The following SHISA7 variants were observed in gnomAD, a reference collection of about 807,000 sequenced individuals.
SHISA7 encodes shisa family member 7, also known as protein shisa-7.
In SHISA7, 6 loss-of-function variants were observed where a neutral mutation model predicts 23.9. The ratio of observed to expected loss-of-function variants is 0.25; its 90% confidence interval spans 0.14 to 0.50. SHISA7 has a LOEUF of 0.50. SHISA7 is among the 20% of genes least tolerant of loss of function. The pLI is 0.98. For missense variants in SHISA7, 671 were observed against 801.1 expected (o/e 0.84, Z 1.96); for synonymous variants, 386 against 398.3 (o/e 0.97, Z 0.37).
intron 3 of SHISA7, among the ~76,000 whole-genome samples, chr19:55,434,763 TG>T (rs1477523447): frequency 1.5e-4 from 16 of 103,442 alleles, no homozygotes; most frequent in African/African-American, 5.8e-4. Flanking sequence ...GTGGTGTGTG[TG>T]GTGTGTGGTG....
At chr19:55,439,713 G>A (rs1302940985) in intron 2 of SHISA7, among the ~76,000 whole-genome samples, 1 of 150,044 alleles carries the variant, frequency 6.7e-6, no homozygotes, top group Admixed American at 6.6e-5. Context: ...CCCTTCTGAC[G>A]CCTCTCCTCC....
chr19:55,438,161 C>T (rs1355050584), intron 2 of SHISA7, among the ~76,000 whole-genome samples: 1 of 152,004 alleles, frequency 6.6e-6, no homozygotes, highest in Non-Finnish European at 1.5e-5. Flanking sequence ...CCCCTCCTCC[C>T]TCAGACCCAG....
rs373863676 is a variant in SHISA7, at chr19:55,429,307, T to C, written c.*3849A>G. On this transcript the variant is annotated 3_prime_UTR_variant, in exon 4 of 4. Transcript: ENST00000376325. ...GAAAGCTGAGTGTTCCGCGGAGGTG[T>C]TGAGCAGAGGGGAGGGGGCTGGGAG... The C allele has an allele frequency of 1.3e-5, 2 of 152,450 alleles. No homozygotes were observed. Among genetic ancestry groups the C allele is most frequent in the African/African-American group, 4.8e-5 (2 of 41,440 alleles). 9.4% of individuals were successfully genotyped at this position (152,450 alleles called of 1,614,324 possible).
At chr19:55,434,529 G>GGT (rs550533179) in intron 3 of SHISA7, among the ~76,000 whole-genome samples, 1 of 129,932 alleles carries the variant, frequency 7.7e-6, no homozygotes, top group Non-Finnish European at 1.6e-5. Context: ...GTGGTTGTGT[G>GGT]GTGTGTGTGT....
At position 55,431,558 on chromosome 19, in the gene SHISA7, C is replaced by T. The variant is rs1221401736; in HGVS notation, c.*1598G>A. 6.6e-6 allele frequency: 1 copy of T among 152,086 alleles called. No individual in the cohort carries two copies. Among genetic ancestry groups the T allele is most frequent in the Non-Finnish European group, 1.5e-5 (1 of 68,006 alleles). 9.4% of individuals were successfully genotyped at this position (152,086 alleles called of 1,614,324 possible). ...AGAAGATGATACCATAGTTGTGGGTCATAGGTAATCCTGGGGAAGGATTCC... is the reference window on the plus strand; with the variant it reads ...AGAAGATGATACCATAGTTGTGGGTTATAGGTAATCCTGGGGAAGGATTCC... On this transcript the variant is annotated 3_prime_UTR_variant, in exon 4 of 4. Coordinates refer to ENST00000376325, the MANE Select transcript of SHISA7 (RefSeq NM_001145176.2).
rs1429027058 is a variant in SHISA7 at position 55,432,217 on chromosome 19, A to G, written c.*939T>C. 1 of 152,758 alleles carries G rather than the reference A, an allele frequency of 6.5e-6. No individual in the cohort carries two copies. Among genetic ancestry groups the G allele is most frequent in the Non-Finnish European group, 1.5e-5 (1 of 68,140 alleles). 9.5% of individuals were successfully genotyped at this position (152,758 alleles called of 1,614,324 possible). On this transcript the variant is annotated 3_prime_UTR_variant, in exon 4 of 4. Coordinates refer to ENST00000376325, the MANE Select transcript of SHISA7 (RefSeq NM_001145176.2). The surrounding 1 kb of genome is among the most constrained non-coding windows in gnomAD (Gnocchi z 4.6). ...ACAGGGCCCCTCTCTGCTCTCTGGC[A>G]TCTTCCCTGGGGTGGTCCTGGACTC...
intron 2 of SHISA7, among the ~76,000 whole-genome samples, chr19:55,438,130 C>T (rs1305812330): frequency 6.6e-6 from 1 of 150,874 alleles, no homozygotes; most frequent in Non-Finnish European, 1.5e-5. Context: ...CTCCCTCAGA[C>T]CCAGGCGTCC....
At position 55,433,894 on chromosome 19, in the gene SHISA7, G is replaced by A; in HGVS notation, c.977-98C>T. The A allele has an allele frequency of 7.8e-7, 1 of 1,275,064 alleles. No individual in the cohort carries two copies. Among genetic ancestry groups the A allele is most frequent in the Non-Finnish European group, 1.0e-6 (1 of 997,216 alleles). 79.0% of individuals were successfully genotyped at this position (1,275,064 alleles called of 1,614,324 possible). ...CACATCCCGCTCCTATGCTCCTTGT[G>A]CCCCCACAAGGATCCTGGGCATCAG... On this transcript the variant is annotated intron_variant, in intron 3 of 3. Coordinates refer to ENST00000376325, the MANE Select transcript of SHISA7 (RefSeq NM_001145176.2). This position sits in a 1 kb window ranked among gnomAD's most constrained non-coding sequence, Gnocchi z 8.4.
intron 3 of SHISA7, among the ~76,000 whole-genome samples, chr19:55,435,962 G>A (rs1022454954): frequency 1.3e-5 from 2 of 152,244 alleles, no homozygotes; most frequent in South Asian, 4.1e-4. Flanking sequence ...ACATGTGTGT[G>A]TGTGTGTGTG....
At chr19:55,434,180 CAGAAG>C (rs1486336573) in intron 3 of SHISA7, among the ~76,000 whole-genome samples, 1 of 152,094 alleles carries the variant, frequency 6.6e-6, no homozygotes, top group Non-Finnish European at 1.5e-5. Context: ...TCAAATAGAA[CAGAAG>C]AGAAAACTAT....
intron 2 of SHISA7, among the ~76,000 whole-genome samples, chr19:55,440,134 C>G (rs1844433774): frequency 6.6e-6 from 1 of 152,060 alleles, no homozygotes; most frequent in Non-Finnish European, 1.5e-5. Context: ...TGCTCTTCAC[C>G]ATAACCCCAT....
chr19:55,439,146 G>T (rs1027285080), intron 2 of SHISA7, among the ~76,000 whole-genome samples: 1 of 152,110 alleles, frequency 6.6e-6, no homozygotes, highest in Non-Finnish European at 1.5e-5. Flanking sequence ...GGTGTTTGAG[G>T]CTTCAAAACC....
At chr19:55,435,342 A>C (rs1173070602) in intron 3 of SHISA7, among the ~76,000 whole-genome samples, 1 of 92,750 alleles carries the variant, frequency 1.1e-5, no homozygotes, top group Non-Finnish European at 2.1e-5. Flanking sequence ...GTGTGTGTGT[A>C]TGGTGTGTAT....
At chr19:55,441,213 C>T (rs914642101) in intron 1 of SHISA7, among the ~76,000 whole-genome samples, 1 of 152,202 alleles carries the variant, frequency 6.6e-6, no homozygotes, top group Non-Finnish European at 1.5e-5. Flanking sequence ...TATCCCAAAT[C>T]AGACCACTAC....
intron 1 of SHISA7, among the ~76,000 whole-genome samples, chr19:55,441,266 C>G (rs1283704961): frequency 6.6e-6 from 1 of 152,212 alleles, no homozygotes; most frequent in Non-Finnish European, 1.5e-5. Flanking sequence ...TGCAACAGCC[C>G]CCTCACGGGT....
intron 2 of SHISA7, among the ~76,000 whole-genome samples, chr19:55,438,083 C>A (rs1985511716): frequency 6.9e-6 from 1 of 145,864 alleles, no homozygotes; most frequent in Non-Finnish European, 1.5e-5. Context: ...GCCCCCAGCC[C>A]CTCCTCCCTC....
At chr19:55,438,541 A>C in intron 2 of SHISA7, 1 of 1,304,128 alleles carries the variant, frequency 7.7e-7, no homozygotes, top group South Asian at 1.2e-5. Flanking sequence ...TCTTTTCCGC[A>C]GCCGGGCCCT....
rs1049602220 is a variant in SHISA7 at position 55,442,379 on chromosome 19, G to T, written c.485C>A (p.Ala162Asp). ...GAGGGPGPGQAGWLEGGRTGG... is the reference protein window; with the variant it reads ...GAGGGPGPGQDGWLEGGRTGG... ...AGTCCGGCCCCCTTCCAACCACCCG[G>T]CCTGGCCGGGCCCTGGCCCCCCGCC... The change falls in exon 1 of 4, where the codon GCC (alanine) becomes GAC (aspartate). Residue 162 changes from alanine to aspartate, a missense_variant. Physicochemically the swap from Ala to Asp is moderately radical, Grantham distance 126. This residue lies in a region of SHISA7 where 59 missense variants were observed against 57.2 expected (regional missense o/e 1.03). Coordinates refer to ENST00000376325, the MANE Select transcript of SHISA7 (RefSeq NM_001145176.2). 2.7e-5 allele frequency: 37 copies of T among 1,361,156 alleles called. No homozygotes were observed. Among genetic ancestry groups the T allele is most frequent in the Non-Finnish European group, 3.3e-5 (35 of 1,066,822 alleles). 84.3% of individuals were successfully genotyped at this position (1,361,156 alleles called of 1,614,324 possible).
Position 55,442,450 on chromosome 19 carries a change from G to T in SHISA7, c.414C>A (p.Thr138=). The T allele has an allele frequency of 7.0e-7, 1 of 1,429,228 alleles. No individual in the cohort carries two copies. The highest frequency in any genetic ancestry group is 9.2e-7 in the Non-Finnish European group (1 of 1,088,996). The allele number at this position is 1,429,228 out of a possible 1,614,324, so 88.5% of individuals were successfully genotyped here. A position where few individuals can be genotyped will look rare whatever the true frequency, so the allele number is the denominator to read the frequency against. ...CSNYDTPRWA[T]TPPPLAGGAG... is the part of the protein sequence containing the mutation. ...CGCCCCCAGCTAGCGGCGGCGGCGT[G>T]GTGGCCCAGCGCGGCGTGTCGTAGT... The change falls in exon 1 of 4, where the codon ACC becomes ACA. Residue 138 remains threonine (T), a synonymous_variant. Coordinates refer to ENST00000376325, the MANE Select transcript of SHISA7 (RefSeq NM_001145176.2).
Sources: gnomAD v4.1 joint callset for allele counts (sites outside exome capture counted in the v4.1 genomes callset) on GRCh38, gnomAD v4.1.1 for gene constraint, gnomAD v4.1.1 regional missense constraint, Gnocchi (gnomAD v3.1) non-coding constraint, MANE v1.5 for transcripts, NCBI Gene and HGNC (gene_info 2026-07-23, HGNC 2026-07-21) for gene names.